The following GRIK2 variants were observed in gnomAD, a reference collection of about 807,000 sequenced individuals.
The protein encoded by GRIK2 is glutamate ionotropic receptor kainate type subunit 2.
GRIK2 carries 32 observed loss-of-function variants against 100.3 expected under a neutral mutation model. The ratio of observed to expected loss-of-function variants is 0.32; its 90% CI spans 0.24 to 0.43. The LOEUF is 0.43. GRIK2 is among the 20% of genes least tolerant of loss of function. The pLI, the probability that GRIK2 is intolerant of heterozygous loss-of-function variation, is 1.00. For missense variants in GRIK2, 843 were observed against 1,114.9 expected, an observed-to-expected ratio of 0.76 and a Z score of 3.47; for synonymous variants, 417 against 389.4, an observed-to-expected ratio of 1.07 and a Z score of -0.83.
Position 101,979,528 on chromosome 6 carries a change from T to C in GRIK2, c.2085+50896T>C, listed in dbSNP as rs541230023. ...GCCAGAGGGCACCCTGGAAAACTTG[T>C]GAGTGTTGGAGTATAAGCAGAGGTG... On this transcript the variant is annotated intron_variant, in intron 14 of 16. Coordinates refer to ENST00000369134, the MANE Select transcript of GRIK2 (RefSeq NM_021956.5). Among the ~76,000 whole-genome samples the C allele has an allele frequency of 1.4e-4, 21 of 152,042 alleles. No individual in the cohort carries two copies. In the South Asian group the frequency reaches 3.1e-3, roughly 22 times the overall value.
At chr6:101,959,422 A>G (rs1792144977) in intron 14 of GRIK2, among the ~76,000 whole-genome samples, 1 of 152,024 alleles carries the variant, frequency 6.6e-6, no homozygotes. Context: ...CTGTGGTATC[A>G]CTTGTAGTCA....
intron 2 of GRIK2, among the ~76,000 whole-genome samples, chr6:101,576,898 A>C (rs904103286): frequency 6.6e-6 from 1 of 152,010 alleles, no homozygotes; most frequent in African/African-American, 2.4e-5. Context: ...GAAAAAAAAA[A>C]TGTCCTTGTA....
intron 2 of GRIK2, among the ~76,000 whole-genome samples, chr6:101,438,134 T>A (rs961100128): frequency 7.2e-5 from 11 of 152,232 alleles, no homozygotes; most frequent in African/African-American, 2.6e-4. Flanking sequence ...GCCACATTTG[T>A]TATATAGACA....
At chr6:101,751,887 T>G (rs1294131606) in intron 7 of GRIK2, among the ~76,000 whole-genome samples, 1 of 152,214 alleles carries the variant, frequency 6.6e-6, no homozygotes, top group East Asian at 1.9e-4. Context: ...TCTTGTGATG[T>G]TAGGAACCAG....
intron 14 of GRIK2, among the ~76,000 whole-genome samples, chr6:102,002,334 A>G (rs898144348): frequency 6.9e-6 from 1 of 144,688 alleles, no homozygotes; most frequent in African/African-American, 2.5e-5. Context: ...TATATTATAT[A>G]TGTATGTAGT....
At chr6:101,759,850 ATTTT>A (rs1000169065) in intron 7 of GRIK2, among the ~76,000 whole-genome samples, 6 of 138,608 alleles carry the variant, frequency 4.3e-5, no homozygotes, top group Non-Finnish European at 7.5e-5. Context: ...GCAGCATTTT[ATTTT>A]TTTTATTTTT....
At position 101,913,402 on chromosome 6, in the gene GRIK2, G is replaced by T. The variant is rs1256895308; in HGVS notation, c.1749-11199G>T. Among the ~76,000 whole-genome samples the T allele has an allele frequency of 2.0e-5, 3 of 151,178 alleles. No individual in the cohort carries two copies. In the Admixed American group the frequency reaches 2.0e-4, roughly 10 times the overall value. On this transcript the variant is annotated intron_variant, in intron 12 of 16. Transcript: ENST00000369134. The stretch of plus-strand genomic sequence containing the variant: ...ACATAACACTGAACAAAGTGCTAAA[G>T]AATTTCATTTTTCTGTGTATATGGA...
intron 7 of GRIK2, among the ~76,000 whole-genome samples, chr6:101,710,717 G>C (rs1773641032): frequency 6.6e-6 from 1 of 151,734 alleles, no homozygotes; most frequent in Non-Finnish European, 1.5e-5. Context: ...TTTCCGCGTA[G>C]GCTGTCTTCA....
chr6:101,956,229 C>A (rs1164632295), intron 14 of GRIK2, among the ~76,000 whole-genome samples: 2 of 151,932 alleles, frequency 1.3e-5, no homozygotes, highest in African/African-American at 4.8e-5. Flanking sequence ...TTGGCCTAAG[C>A]AAAAAACTTA....
chr6:101,538,704 G>A (rs1167412478), intron 2 of GRIK2, among the ~76,000 whole-genome samples: 2 of 151,362 alleles, frequency 1.3e-5, no homozygotes, highest in African/African-American at 2.4e-5. Context: ...GGCTTCACTG[G>A]GGTTAGTACT....
intron 7 of GRIK2, among the ~76,000 whole-genome samples, chr6:101,687,919 A>C (rs1308342237): frequency 6.6e-6 from 1 of 151,160 alleles, no homozygotes; most frequent in African/African-American, 2.4e-5. Context: ...GCAAACTAGA[A>C]AAAATTATAA....
chr6:101,544,829 A>G (rs1776160807), intron 2 of GRIK2, among the ~76,000 whole-genome samples: 1 of 152,204 alleles, frequency 6.6e-6, no homozygotes, highest in African/African-American at 2.4e-5. Context: ...GCAGTGGTAG[A>G]GGTGAAATTA....
rs528060909 is a variant in GRIK2, at chr6:101,932,047, C to T, written c.2085+3415C>T. On this transcript the variant is annotated intron_variant, in intron 14 of 16. Transcript: ENST00000369134. ...CTATACATTATAGGATCAAAAATCACTCAGCTATAGCCTGTAGGTGTTATG... is the reference window on the plus strand; with the variant it reads ...CTATACATTATAGGATCAAAAATCATTCAGCTATAGCCTGTAGGTGTTATG... Among the ~76,000 whole-genome samples, 12 of 152,168 alleles carry T rather than the reference C, an allele frequency of 7.9e-5. No individual in the cohort carries two copies. The East Asian group carries it at 2.3e-3, about 29-fold the overall frequency.
At chr6:101,617,129 C>G (rs568926411) in intron 2 of GRIK2, among the ~76,000 whole-genome samples, 1 of 151,586 alleles carries the variant, frequency 6.6e-6, no homozygotes, top group South Asian at 2.1e-4. Context: ...CTTAGAAAGG[C>G]CTTAGCACTT....
intron 2 of GRIK2, among the ~76,000 whole-genome samples, chr6:101,554,860 T>G: frequency 7.9e-6 from 1 of 126,860 alleles, no homozygotes; most frequent in Admixed American, 7.7e-5. Context: ...ATACTTTTTT[T>G]TTTCCCCCAA....
intron 14 of GRIK2, among the ~76,000 whole-genome samples, chr6:101,952,725 C>T (rs1791676620): frequency 6.6e-6 from 1 of 151,992 alleles, no homozygotes; most frequent in Non-Finnish European, 1.5e-5. Flanking sequence ...GCCTCAGCAT[C>T]CTGAGTAGCT....
intron 14 of GRIK2, among the ~76,000 whole-genome samples, chr6:101,945,608 T>G (rs911438068): frequency 2.0e-5 from 3 of 152,174 alleles, no homozygotes; most frequent in African/African-American, 7.2e-5. Flanking sequence ...ATTTAATCAG[T>G]AAGCCATTTA....
chr6:101,801,313 T>G (rs1392612559), intron 8 of GRIK2, among the ~76,000 whole-genome samples: 1 of 152,160 alleles, frequency 6.6e-6, no homozygotes, highest in Non-Finnish European at 1.5e-5. Flanking sequence ...TTTTTCTTCC[T>G]TATTCCAAAC....
intron 2 of GRIK2, among the ~76,000 whole-genome samples, chr6:101,546,988 G>A (rs1287899315): frequency 2.0e-5 from 3 of 149,824 alleles, no homozygotes; most frequent in Non-Finnish European, 3.0e-5. Context: ...CCGCCACTAC[G>A]CCCAGCTAAT....
Sources: allele counts gnomAD v4.1 joint callset (sites outside exome capture counted in the v4.1 genomes callset), GRCh38; gene constraint gnomAD v4.1.1; transcripts MANE v1.5; gene names NCBI Gene and HGNC (gene_info 2026-07-23, HGNC 2026-07-21).